Variants in CSMD3 observed in about 807,000 individuals in gnomAD.
The protein encoded by CSMD3 is CUB and sushi domain-containing protein 3.
In CSMD3, 177 loss-of-function variants were observed where a neutral mutation model predicts 435.2. The observed-to-expected ratio is 0.41, with a 90% CI of 0.36 to 0.46. The LOEUF is 0.46. Among genes scored for constraint, CSMD3 ranks in the 20% least tolerant of loss-of-function variants. The pLI is 0.34. For synonymous variants in CSMD3, 1,656 were observed against 1,520.5 expected (o/e 1.09, Z -2.07); for missense variants, 4,265 against 4,504.6 (o/e 0.95, Z 1.52).
chr8:112,966,120 A>G (rs1175728929), intron 7 of CSMD3, among the ~76,000 whole-genome samples: 8 of 151,810 alleles, frequency 5.3e-5, no homozygotes, highest in African/African-American at 1.9e-4. Flanking sequence ...CAAAATGTTG[A>G]CATTCCCCTA....
chr8:113,270,902 C>T (rs1042981159), intron 3 of CSMD3, among the ~76,000 whole-genome samples: 6 of 151,674 alleles, frequency 4.0e-5, no homozygotes, highest in African/African-American at 1.5e-4. Context: ...TTGCAGCACA[C>T]CAACATGGCA....
intron 1 of CSMD3, among the ~76,000 whole-genome samples, chr8:113,343,536 G>A (rs1313465054): frequency 2.6e-5 from 4 of 152,256 alleles, no homozygotes; most frequent in African/African-American, 9.6e-5. Context: ...TAGTGCCTTT[G>A]AGACAGAAAA....
At position 112,954,215 on chromosome 8, in the gene CSMD3, G is replaced by A. The variant is rs75071121; in HGVS notation, c.1420+469C>T. 6.0e-3 allele frequency among the ~76,000 whole-genome samples: 905 copies of A among 151,390 alleles called. 5 individuals carry two copies. Among genetic ancestry groups the A allele is most frequent in the African/African-American group, 0.019 (805 of 41,446 alleles). On this transcript the variant is annotated intron_variant, in intron 8 of 70. Transcript: ENST00000297405. ...ATTTTATAAAATATTTGATTTCATA[G>A]GTTTATCTAAATTACCTCAAATTAA...
chr8:112,912,152 A>T (rs2082438770), intron 10 of CSMD3, among the ~76,000 whole-genome samples: 1 of 150,894 alleles, frequency 6.6e-6, no homozygotes, highest in Non-Finnish European at 1.5e-5. Context: ...TCATTTGGTC[A>T]TCCATTAATG....
At chr8:112,368,990 CCTT>C (rs1563850514) in intron 38 of CSMD3, among the ~76,000 whole-genome samples, 1 of 151,976 alleles carries the variant, frequency 6.6e-6, no homozygotes, top group Non-Finnish European at 1.5e-5. Context: ...TGTTGTATAA[CCTT>C]CTTTATTATA....
intron 22 of CSMD3, among the ~76,000 whole-genome samples, chr8:112,636,067 A>T (rs1459281433): frequency 6.6e-6 from 1 of 152,160 alleles, no homozygotes; most frequent in Admixed American, 6.6e-5. Context: ...ACTAAACAGC[A>T]AGAAGTTTTT....
chr8:112,582,408 TA>T (rs377342339), intron 23 of CSMD3, among the ~76,000 whole-genome samples: 27 of 146,424 alleles, frequency 1.8e-4, no homozygotes, highest in Admixed American at 3.4e-4. Flanking sequence ...TATAGCAATG[TA>T]AAAAAAAAAG....
chr8:113,180,456 C>T (rs1445678833), intron 3 of CSMD3, among the ~76,000 whole-genome samples: 2 of 151,984 alleles, frequency 1.3e-5, no homozygotes, highest in Non-Finnish European at 2.9e-5. Flanking sequence ...TCTTTCAGTA[C>T]ATAAAACTGA....
At chr8:113,198,338 A>C (rs925699592) in intron 3 of CSMD3, among the ~76,000 whole-genome samples, 3 of 151,306 alleles carry the variant, frequency 2.0e-5, no homozygotes, top group African/African-American at 7.3e-5. Context: ...TTGTATATAC[A>C]TACTATATAT....
intron 32 of CSMD3, among the ~76,000 whole-genome samples, chr8:112,468,528 G>GTA (rs1818201180): frequency 6.6e-6 from 1 of 151,768 alleles, no homozygotes; most frequent in South Asian, 2.1e-4. Flanking sequence ...TATACTCTAG[G>GTA]TATAATACAT....
chr8:112,259,381 G>A (rs751534324), intron 61 of CSMD3, among the ~76,000 whole-genome samples: 1 of 152,066 alleles, frequency 6.6e-6, no homozygotes, highest in Non-Finnish European at 1.5e-5. Flanking sequence ...ATAAGTGGGA[G>A]TAGAACAATG....
At chr8:113,367,771 T>G (rs2094321884) in intron 1 of CSMD3, among the ~76,000 whole-genome samples, 1 of 152,038 alleles carries the variant, frequency 6.6e-6, no homozygotes, top group African/African-American at 2.4e-5. Context: ...ATGACTGTAT[T>G]TTTTCATAAT....
At chr8:112,531,731 T>C (rs1031864929) in intron 27 of CSMD3, among the ~76,000 whole-genome samples, 1 of 152,132 alleles carries the variant, frequency 6.6e-6, no homozygotes, top group Non-Finnish European at 1.5e-5. Flanking sequence ...ATTTTTGAAA[T>C]GTTCTCTGAA....
chr8:113,155,962 C>CT (rs1290281792), intron 4 of CSMD3, among the ~76,000 whole-genome samples: 2 of 151,914 alleles, frequency 1.3e-5, no homozygotes, highest in Non-Finnish European at 2.9e-5. Context: ...CTGAAAGTTT[C>CT]TTTGTTTTTT....
chr8:113,019,359 C>T (rs1358755756), intron 5 of CSMD3, among the ~76,000 whole-genome samples, 180 bp from the exon 6 acceptor site: 1 of 151,990 alleles, frequency 6.6e-6, no homozygotes, highest in Non-Finnish European at 1.5e-5. Flanking sequence ...TAGTGCAATT[C>T]CAAACACATG....
chr8:112,753,419 T>G (rs188645379), intron 13 of CSMD3, among the ~76,000 whole-genome samples: 1 of 152,174 alleles, frequency 6.6e-6, no homozygotes, highest in East Asian at 1.9e-4. Flanking sequence ...GAGGAATATA[T>G]TTCCCTTCCT....
At chr8:113,414,446 C>A (rs1459689857) in intron 1 of CSMD3, among the ~76,000 whole-genome samples, 2 of 151,970 alleles carry the variant, frequency 1.3e-5, no homozygotes, top group East Asian at 3.9e-4. Flanking sequence ...TGGAACGATA[C>A]AGCCTGAATT....
chr8:112,330,228 G>A (rs16883454), intron 45 of CSMD3, among the ~76,000 whole-genome samples: 12 of 151,880 alleles, frequency 7.9e-5, no homozygotes, highest in Non-Finnish European at 1.3e-4. Context: ...TAGCATAACC[G>A]TAAAAGATGA....
At chr8:113,159,775 G>A (rs2092003871) in intron 4 of CSMD3, among the ~76,000 whole-genome samples, 1 of 151,872 alleles carries the variant, frequency 6.6e-6, no homozygotes. Context: ...GAAATAGACT[G>A]AATTTCTCAT....
Sources: gnomAD v4.1 joint callset for allele counts (sites outside exome capture counted in the v4.1 genomes callset) on GRCh38, gnomAD v4.1.1 for gene constraint, MANE v1.5 for transcripts, NCBI Gene and HGNC (gene_info 2026-07-23, HGNC 2026-07-21) for gene names.